SMCHD1: variants seen among roughly 807,000 people sequenced by gnomAD.
SMCHD1 encodes structural maintenance of chromosomes flexible hinge domain containing 1.
SMCHD1 carries 78 observed loss-of-function variants against 254.7 expected under a neutral mutation model. The observed-to-expected ratio is 0.31, with a 90% confidence interval of 0.26 to 0.37. The LOEUF is 0.37. SMCHD1 is among the 10% of genes least tolerant of loss of function. The pLI, the probability that SMCHD1 is intolerant of heterozygous loss-of-function variation, is 1.00. For missense variants in SMCHD1, 1,840 were observed against 2,408.1 expected, an observed-to-expected ratio of 0.76 and a Z score of 4.94; for synonymous variants, 766 against 794.9, an observed-to-expected ratio of 0.96 and a Z score of 0.61.
At chr18:2,777,056 A>ACCCCCCCCCCCCC (rs140799401) in intron 42 of SMCHD1, among the ~76,000 whole-genome samples, 4 of 90,626 alleles carry the variant, frequency 4.4e-5, no homozygotes, top group South Asian at 3.5e-4. Flanking sequence ...GGCATGCACC[A>ACCCCCCCCCCCCC]CCACCTCCCC....
rs751707679 is a variant in SMCHD1 at position 2,724,892 on chromosome 18, T to C, written c.2604-7T>C. The stretch of plus-strand genomic sequence containing the variant: ...AGGGGAGTTAAAAAATAATTTTTTT[T>C]CCCCAGTGGTTTATCTTTACATTAT... On this transcript the variant is annotated splice_region_variant and splice_polypyrimidine_tract_variant and intron_variant, in intron 20 of 47. Transcript: ENST00000320876. 3.1e-5 allele frequency: 47 copies of C among 1,529,566 alleles called. No individual in the cohort carries two copies. The highest frequency in any genetic ancestry group is 4.1e-5 in the African/African-American group (3 of 73,520). The allele number at this position is 1,529,566 out of a possible 1,614,324, so 94.7% of individuals were successfully genotyped here.
chr18:2,799,701 A>AGT (rs915623151), intron 47 of SMCHD1, among the ~76,000 whole-genome samples: 1 of 152,132 alleles, frequency 6.6e-6, no homozygotes, highest in Non-Finnish European at 1.5e-5. Flanking sequence ...AATCACGTGA[A>AGT]GTGTTATTCC....
chr18:2,720,484 T>C (rs938888117), intron 19 of SMCHD1, among the ~76,000 whole-genome samples: 2 of 152,194 alleles, frequency 1.3e-5, no homozygotes, highest in Non-Finnish European at 2.9e-5. Context: ...TATTCTGTTA[T>C]ATAATTAGTG....
At chr18:2,745,044 G>C (rs2075425204) in intron 29 of SMCHD1, among the ~76,000 whole-genome samples, 1 of 152,088 alleles carries the variant, frequency 6.6e-6, no homozygotes, top group Admixed American at 6.6e-5. Flanking sequence ...GGTTTCACCT[G>C]TTGGCCATGG....
intron 9 of SMCHD1, 96 bp from the exon 10 acceptor site, chr18:2,697,735 A>G: frequency 1.3e-6 from 1 of 782,904 alleles, no homozygotes; most frequent in Admixed American, 2.5e-5. Context: ...TGTACAAATA[A>G]ACATAATTTT....
intron 20 of SMCHD1, among the ~76,000 whole-genome samples, chr18:2,723,992 T>A (rs1641008514): frequency 6.6e-6 from 1 of 151,888 alleles, no homozygotes; most frequent in Non-Finnish European, 1.5e-5. Flanking sequence ...TTGCCCTGTC[T>A]CTGCTTCCTT....
At chr18:2,703,215 C>T (rs1320609776) in intron 12 of SMCHD1, among the ~76,000 whole-genome samples, 1 of 152,118 alleles carries the variant, frequency 6.6e-6, no homozygotes, top group Non-Finnish European at 1.5e-5. Context: ...TTGTTTTCCC[C>T]AATGAAATTT....
At chr18:2,778,136 T>C in intron 43 of SMCHD1, 33 bp from the exon 44 acceptor site, 1 of 1,493,036 alleles carries the variant, frequency 6.7e-7, no homozygotes, top group Non-Finnish European at 9.2e-7. Context: ...GAAAATATCA[T>C]AATTTTCAAA....
At chr18:2,748,380 G>GTGTGTGTGTATA (rs561439889) in intron 30 of SMCHD1, among the ~76,000 whole-genome samples, 16 of 80,248 alleles carry the variant, frequency 2.0e-4, no homozygotes, top group African/African-American at 1.1e-3. Flanking sequence ...GTGTGTGTGT[G>GTGTGTGTGTATA]TGTATATAAA....
intron 45 of SMCHD1, chr18:2,784,891 C>T (rs756787378): frequency 1.0e-5 from 5 of 485,158 alleles, no homozygotes; most frequent in South Asian, 4.7e-5. Flanking sequence ...ACAAGAGTGT[C>T]GCTTGAGCCC....
chr18:2,802,838 T>A lies in SMCHD1; in HGVS notation c.*286T>A, dbSNP rs2076388409. The A allele has an allele frequency of 3.1e-6, 1 of 325,866 alleles. No homozygotes were observed. The highest frequency in any genetic ancestry group is 5.6e-6 in the Non-Finnish European group (1 of 180,148). 20.2% of individuals were successfully genotyped at this position (325,866 alleles called of 1,614,324 possible). ...AGAGGAAAATGTGCTAATGTGGCAG[T>A]GACTGTAAAACTGGCACATGGCATT... is the stretch of plus-strand genomic sequence containing the variant. On this transcript the variant is annotated 3_prime_UTR_variant, in exon 48 of 48. Transcript: ENST00000320876.
rs1210529436 is a variant in SMCHD1 at position 2,804,838 on chromosome 18, G to A, written c.*2286G>A. ...CTTTTAGTATAAAGGAATGTAACTG[G>A]AGAAAAAAATTAATGCTACAGCCAT... On this transcript the variant is annotated 3_prime_UTR_variant, in exon 48 of 48. Transcript: ENST00000320876. The A allele has an allele frequency of 6.6e-6, 1 of 152,086 alleles. No individual in the cohort carries two copies. The highest frequency in any genetic ancestry group is 1.9e-4 in the East Asian group (1 of 5,202). 9.4% of individuals were successfully genotyped at this position (152,086 alleles called of 1,614,324 possible). A position where few individuals can be genotyped will look rare whatever the true frequency, so the allele number is the denominator to read the frequency against.
intron 15 of SMCHD1, among the ~76,000 whole-genome samples, chr18:2,707,005 T>C (rs1404371097): frequency 2.0e-5 from 3 of 152,056 alleles, no homozygotes; most frequent in Non-Finnish European, 2.9e-5. Flanking sequence ...ACTTTAAAAA[T>C]CATCAGCTCT....
At chr18:2,750,857 C>T (rs1054131923) in intron 32 of SMCHD1, among the ~76,000 whole-genome samples, 1 of 151,780 alleles carries the variant, frequency 6.6e-6, no homozygotes, top group Non-Finnish European at 1.5e-5. Flanking sequence ...TAGACTATAC[C>T]GTATATAAAG....
chr18:2,684,134 T>TGCGGGGAAGAGAGAGATC (rs1489467015), intron 5 of SMCHD1, among the ~76,000 whole-genome samples: 1 of 152,142 alleles, frequency 6.6e-6, no homozygotes, highest in Non-Finnish European at 1.5e-5. Context: ...CTTTGGAGTT[T>TGCGGGGAAGAGAGAGATC]GCGGGGAAGA....
intron 1 of SMCHD1, among the ~76,000 whole-genome samples, chr18:2,662,203 AGAAAG>A (rs1568069350): frequency 1.8e-4 from 6 of 32,890 alleles, no homozygotes; most frequent in African/African-American, 1.4e-3. Context: ...AAATAAATAA[AGAAAG>A]AAAGAAAGAA....
At position 2,707,901 on chromosome 18, in the gene SMCHD1, G is replaced by A; in HGVS notation, c.2241G>A (p.Glu747=). ...GAGGGTCAAAGAAACTCCTGGTTGAGCTCAAAGTTATTTTACATTGTAAGT... is the reference window on the plus strand; with the variant it reads ...GAGGGTCAAAGAAACTCCTGGTTGAACTCAAAGTTATTTTACATTGTAAGT... ...SHGGSKKLLV[E]LKVILHSSSG... is the part of the protein sequence containing the mutation. The change falls in exon 17 of 48, where the codon GAG becomes GAA. Residue 747 remains glutamate, a synonymous_variant. Transcript: ENST00000320876. The A allele has an allele frequency of 6.3e-7, 1 of 1,597,200 alleles. No homozygotes were observed. The highest frequency in any genetic ancestry group is 1.1e-5 in the South Asian group (1 of 88,160).
rs984431794 is a variant in SMCHD1, at chr18:2,655,926, G to GGCC, written c.-141_-139dup. The GGCC allele has an allele frequency of 1.6e-5, 8 of 506,638 alleles. No homozygotes were observed. Among genetic ancestry groups the GGCC allele is most frequent in the African/African-American group, 4.0e-5 (2 of 50,064 alleles). 31.4% of individuals were successfully genotyped at this position (506,638 alleles called of 1,614,324 possible). A position where few individuals can be genotyped will look rare whatever the true frequency, so the allele number is the denominator to read the frequency against. On this transcript the variant is annotated 5_prime_UTR_variant, in exon 1 of 48. Transcript: ENST00000320876. ...GTGATCCTCGCGCCTGCCGCTGCTC[G>GGCC]GCCGCCGCCGCTGACGAGGAGCTGC... is the stretch of plus-strand genomic sequence containing the variant.
intron 45 of SMCHD1, among the ~76,000 whole-genome samples, chr18:2,793,006 G>A (rs998048131): frequency 3.3e-5 from 5 of 152,116 alleles, no homozygotes; most frequent in Admixed American, 6.5e-5. Flanking sequence ...CAGAGGTTCT[G>A]GTGTATTTTT....
Sources: gnomAD v4.1 joint callset for allele counts (sites outside exome capture counted in the v4.1 genomes callset) on GRCh38, gnomAD v4.1.1 for gene constraint, MANE v1.5 for transcripts, NCBI Gene and HGNC (gene_info 2026-07-23, HGNC 2026-07-21) for gene names.